RAB40C: variants seen among roughly 807,000 people sequenced by gnomAD.
The protein encoded by RAB40C is RAB40C, member RAS oncogene family, also known as ras-related protein Rab-40C.
RAB40C carries 8 observed loss-of-function variants against 28.1 expected under a neutral mutation model. The ratio of observed to expected loss-of-function variants is 0.28; its 90% confidence interval spans 0.17 to 0.51. The LOEUF (loss-of-function observed/expected upper bound fraction) is 0.51. RAB40C is among the 20% of genes least tolerant of loss of function. The probability of loss-of-function intolerance (pLI) is 0.97; values close to 1 mark genes in which losing one functional copy is unlikely to be tolerated. For missense variants in RAB40C, 288 were observed against 405.9 expected (o/e 0.71, Z 2.50); for synonymous variants, 201 against 171.7 (o/e 1.17, Z -1.34).
intron 1 of RAB40C, chr16:596,505 G>A (rs1221715984): frequency 8.8e-6 from 3 of 340,180 alleles, no homozygotes; most frequent in East Asian, 1.7e-4. Flanking sequence ...GTCAGCCAGG[G>A]TGTCATCCGC....
chr16:625,279 C>T, intron 3 of RAB40C, 153 bp from the exon 4 acceptor site: 1 of 1,455,390 alleles, frequency 6.9e-7, no homozygotes, highest in Non-Finnish European at 9.1e-7. Context: ...TGCACCAGCT[C>T]TGCCTGGAGG....
chr16:591,294 G>A (rs1261417262), intron 1 of RAB40C, among the ~76,000 whole-genome samples: 1 of 151,492 alleles, frequency 6.6e-6, no homozygotes, highest in African/African-American at 2.4e-5. Context: ...AGGCATCATG[G>A]TCCTAAGGGA....
chr16:617,396 C>G (rs114028085), intron 2 of RAB40C, 128 bp downstream of exon 2: 18,271 of 1,097,810 alleles, frequency 0.017, 326 homozygotes, highest in African/African-American at 0.07. Flanking sequence ...TACACAGCCC[C>G]TGTTTAAACA....
In RAB40C at chr16:629,240, T is replaced by C. The variant is rs562490665; in HGVS notation, c.*1618T>C. ...TCCTGGTTCTCTCCGAACCGTTCTT[T>C]GTACAGTAAATGTAATTCAGCTGTG... On this transcript the variant is annotated 3_prime_UTR_variant, in exon 6 of 6. Coordinates refer to ENST00000248139, the MANE Select transcript of RAB40C (RefSeq NM_021168.5). 1.7e-4 allele frequency: 48 copies of C among 285,464 alleles called. No individual in the cohort carries two copies. The East Asian group carries it at 3.9e-3, about 23-fold the overall frequency. The allele number at this position is 285,464 out of a possible 1,614,324, so 17.7% of individuals were successfully genotyped here.
chr16:589,463 G>A (rs1205777905), upstream of RAB40C: 3 of 152,282 alleles, frequency 2.0e-5, no homozygotes, highest in African/African-American at 7.2e-5. Context: ...CTCGGCTCGG[G>A]CGCGCCTGCA....
intron 1 of RAB40C, among the ~76,000 whole-genome samples, chr16:616,166 T>G (rs1385595239): frequency 2.7e-5 from 4 of 147,930 alleles, no homozygotes; most frequent in Non-Finnish European, 6.0e-5. Flanking sequence ...TGAGGCTAGA[T>G]AATGGCGTGA....
intron 1 of RAB40C, among the ~76,000 whole-genome samples, chr16:611,676 C>T (rs1259032361): frequency 3.0e-5 from 4 of 133,976 alleles, no homozygotes; most frequent in Admixed American, 7.2e-5. Flanking sequence ...GACAGCCGCC[C>T]TGGCCTGTAG....
chr16:602,314 C>T (rs1420283893), intron 1 of RAB40C, among the ~76,000 whole-genome samples: 1 of 149,174 alleles, frequency 6.7e-6, no homozygotes, highest in Non-Finnish European at 1.5e-5. Context: ...GGCTGGAGTG[C>T]AGTGATCATA....
intron 3 of RAB40C, among the ~76,000 whole-genome samples, chr16:622,044 G>A (rs977932343): frequency 6.6e-6 from 1 of 152,212 alleles, no homozygotes; most frequent in Non-Finnish European, 1.5e-5. Flanking sequence ...TACCTTGGGA[G>A]CTTCAGCCAC....
At chr16:595,409 C>T (rs2036092856) in intron 1 of RAB40C, among the ~76,000 whole-genome samples, 1 of 152,138 alleles carries the variant, frequency 6.6e-6, no homozygotes, top group African/African-American at 2.4e-5. Flanking sequence ...ATGGCTCTTC[C>T]CCTGTCCTCC....
intron 1 of RAB40C, among the ~76,000 whole-genome samples, chr16:612,023 T>G (rs71378523): frequency 4.8e-4 from 10 of 20,984 alleles, no homozygotes; most frequent in Non-Finnish European, 7.1e-4. Context: ...CAGCCGCCTT[T>G]GCCTGTAGAA....
intron 1 of RAB40C, among the ~76,000 whole-genome samples, chr16:598,583 A>T (rs2036183675): frequency 6.6e-6 from 1 of 151,340 alleles, no homozygotes; most frequent in South Asian, 2.1e-4. Context: ...AAAAAAAAGA[A>T]AAAAGAAAAT....
intron 1 of RAB40C, among the ~76,000 whole-genome samples, chr16:593,935 G>A (rs910508549): frequency 6.6e-6 from 1 of 152,228 alleles, no homozygotes; most frequent in African/African-American, 2.4e-5. Flanking sequence ...ATCCAGGAGT[G>A]TGGGTGGTGC....
At chr16:625,763 C>T in intron 4 of RAB40C, 136 bp from the exon 5 acceptor site, 3 of 958,280 alleles carry the variant, frequency 3.1e-6, no homozygotes, top group Non-Finnish European at 1.6e-6. Flanking sequence ...GGGGTCTGCC[C>T]ACCTTGACCT....
chr16:626,614 G>T (rs1208348204), intron 5 of RAB40C, among the ~76,000 whole-genome samples: 3 of 152,212 alleles, frequency 2.0e-5, no homozygotes, highest in Non-Finnish European at 2.9e-5. Context: ...AACAGAGAGA[G>T]GGTGGCTGAC....
intron 1 of RAB40C, among the ~76,000 whole-genome samples, chr16:603,509 T>C (rs2036297420): frequency 6.6e-6 from 1 of 152,180 alleles, no homozygotes; most frequent in Admixed American, 6.5e-5. Flanking sequence ...CACATCTGGC[T>C]CTGATATGTG....
intron 3 of RAB40C, among the ~76,000 whole-genome samples, chr16:618,535 G>A (rs559593995): frequency 4.6e-5 from 7 of 152,352 alleles, no homozygotes; most frequent in Admixed American, 3.9e-4. Context: ...GAGTACAGGC[G>A]CAGTGGGTGT....
chr16:625,813 G>T, intron 4 of RAB40C, 86 bp from the exon 5 acceptor site: 1 of 1,317,936 alleles, frequency 7.6e-7, no homozygotes. Flanking sequence ...CCCCATCATA[G>T]TCCAGACAAT....
In RAB40C at chr16:595,727, C is replaced by T. The variant is rs904657332; in HGVS notation, c.142+5294C>T. ...AAGTGATTCTACTGCCTCAGCCTCC[C>T]GAGTAGCTGGGATTACAGCCACCTG... On this transcript the variant is annotated intron_variant, in intron 1 of 5. Transcript: ENST00000248139. Among the ~76,000 whole-genome samples the T allele has an allele frequency of 4.6e-5, 7 of 151,902 alleles. No individual in the cohort carries two copies. In the East Asian group the frequency reaches 5.8e-4, roughly 13 times the overall value.
Sources: allele counts gnomAD v4.1 joint callset (sites outside exome capture counted in the v4.1 genomes callset), GRCh38; gene constraint gnomAD v4.1.1; transcripts MANE v1.5; gene names NCBI Gene and HGNC (gene_info 2026-07-23, HGNC 2026-07-21).